The following GPC5 variants were observed in gnomAD, a reference collection of about 807,000 sequenced individuals.
GPC5 encodes the protein glypican-5.
A neutral mutation model predicts 53.9 loss-of-function variants in GPC5; 47 were observed. The ratio of observed to expected loss-of-function variants is 0.87; its 90% CI spans 0.69 to 1.11. The LOEUF (loss-of-function observed/expected upper bound fraction) is 1.11. Ranked by LOEUF, GPC5 falls within the 50% of genes most tolerant of loss-of-function variation. The pLI is 0.00. For missense variants in GPC5, 748 were observed against 713.1 expected, an observed-to-expected ratio of 1.05 and a Z score of -0.56; for synonymous variants, 286 against 263.3, an observed-to-expected ratio of 1.09 and a Z score of -0.84.
chr13:91,921,182 C>G (rs1322253287), intron 6 of GPC5, among the ~76,000 whole-genome samples: 1 of 152,062 alleles, frequency 6.6e-6, no homozygotes, highest in Non-Finnish European at 1.5e-5. Context: ...GGTGATTCAT[C>G]TGCCTCGGCC....
At chr13:91,876,918 C>A (rs2039208811) in intron 5 of GPC5, among the ~76,000 whole-genome samples, 1 of 152,152 alleles carries the variant, frequency 6.6e-6, no homozygotes, top group Admixed American at 6.5e-5. Context: ...CTATATGCAG[C>A]CTAAGGACTT....
chr13:91,824,183 T>G (rs1000126615), intron 5 of GPC5, among the ~76,000 whole-genome samples: 1 of 152,086 alleles, frequency 6.6e-6, no homozygotes, highest in African/African-American at 2.4e-5. Flanking sequence ...ATGTGCTATT[T>G]GAAAGGTTTT....
At chr13:91,746,650 T>C (rs551446676) in intron 4 of GPC5, among the ~76,000 whole-genome samples, 1 of 152,314 alleles carries the variant, frequency 6.6e-6, no homozygotes, top group Admixed American at 6.5e-5. Context: ...AGGTCAAATG[T>C]AGATTAGAGC....
chr13:91,606,591 CTT>C, intron 2 of GPC5, among the ~76,000 whole-genome samples: 1 of 148,894 alleles, frequency 6.7e-6, no homozygotes, highest in African/African-American at 2.5e-5. Context: ...GTCCTGGACT[CTT>C]TTTGATTGGT....
At chr13:92,259,851 T>C (rs977470561) in intron 7 of GPC5, among the ~76,000 whole-genome samples, 1 of 152,146 alleles carries the variant, frequency 6.6e-6, no homozygotes, top group Admixed American at 6.6e-5. Context: ...ACCCTTAGCT[T>C]CTGGCTGTTC....
At chr13:92,383,881 A>C (rs187880923) in intron 7 of GPC5, among the ~76,000 whole-genome samples, 52 of 152,324 alleles carry the variant, frequency 3.4e-4, no homozygotes, top group African/African-American at 1.3e-3. Context: ...TGCAACTGTC[A>C]GAATATAAAC....
rs142234215 is a variant in GPC5 at position 92,477,094 on chromosome 13, A to T, written c.1561+332105A>T. ...ATAAATAAATAAAAAGAAAATAAAC[A>T]GTTGAAGATAGTGAATCTGACACAT... On this transcript the variant is annotated intron_variant, in intron 7 of 7. Transcript: ENST00000377067. Among the ~76,000 whole-genome samples, 817 of 152,126 alleles carry T rather than the reference A, an allele frequency of 5.4e-3. 6 individuals are homozygous for T. The highest frequency in any genetic ancestry group is 0.019 in the African/African-American group (787 of 41,528).
Position 92,510,904 on chromosome 13 carries a change from C to T in GPC5, c.1562-355378C>T, listed in dbSNP as rs57692786. Among the ~76,000 whole-genome samples, 928 of 152,304 alleles carry T rather than the reference C, an allele frequency of 6.1e-3. 11 individuals are homozygous for T. Among genetic ancestry groups the T allele is most frequent in the African/African-American group, 0.022 (894 of 41,564 alleles). ...TGCAACTTGTCTGAGGCTCAGTTCACTCCTCTAGGAAATGGAATGAAGTGA... is the reference window on the plus strand; with the variant it reads ...TGCAACTTGTCTGAGGCTCAGTTCATTCCTCTAGGAAATGGAATGAAGTGA... On this transcript the variant is annotated intron_variant, in intron 7 of 7. Transcript: ENST00000377067.
intron 6 of GPC5, among the ~76,000 whole-genome samples, chr13:91,930,132 T>A (rs932849458): frequency 1.3e-5 from 2 of 152,066 alleles, no homozygotes; most frequent in Admixed American, 6.6e-5. Flanking sequence ...ATGCCCATCA[T>A]AGGTCATGCA....
Position 92,525,513 on chromosome 13 carries a change from G to A in GPC5, c.1562-340769G>A, listed in dbSNP as rs115346961. 4.0e-3 allele frequency among the ~76,000 whole-genome samples: 595 copies of A among 149,714 alleles called. 7 individuals are homozygous for A. Among genetic ancestry groups the A allele is most frequent in the African/African-American group, 0.014 (580 of 40,958 alleles). Reference sequence around the variant, plus strand: ...CAGAAAAGCTTAGAAGATACTTTGGGTGACAGTAATAAGTATATGAGAAGA... The same window carrying A: ...CAGAAAAGCTTAGAAGATACTTTGGATGACAGTAATAAGTATATGAGAAGA... On this transcript the variant is annotated intron_variant, in intron 7 of 7. Transcript: ENST00000377067.
chr13:91,559,671 A>G (rs1300629101), intron 2 of GPC5, among the ~76,000 whole-genome samples: 1 of 152,014 alleles, frequency 6.6e-6, no homozygotes, highest in Non-Finnish European at 1.5e-5. Context: ...CTTCCTTACC[A>G]CTTGAACAAA....
At chr13:91,561,076 TCCTGGAGAC>T (rs2031235044) in intron 2 of GPC5, among the ~76,000 whole-genome samples, 1 of 152,158 alleles carries the variant, frequency 6.6e-6, no homozygotes, top group Non-Finnish European at 1.5e-5. Flanking sequence ...AATTTTTGGT[TCCTGGAGAC>T]CCTCCAAATT....
Position 91,917,109 on chromosome 13 carries a change from C to T in GPC5, c.1401+9052C>T, listed in dbSNP as rs551220940. 7.9e-5 allele frequency among the ~76,000 whole-genome samples: 12 copies of T among 152,280 alleles called. No individual in the cohort carries two copies. In the East Asian group the frequency reaches 1.5e-3, roughly 20 times the overall value. ...TTTAAGACAAGGCAAGTCCCTTCCACGTATGAGCCTGTAAAATCAAAAGCA... is the reference window on the plus strand; with the variant it reads ...TTTAAGACAAGGCAAGTCCCTTCCATGTATGAGCCTGTAAAATCAAAAGCA... On this transcript the variant is annotated intron_variant, in intron 6 of 7. Transcript: ENST00000377067.
At chr13:91,617,874 G>A (rs1480000687) in intron 2 of GPC5, among the ~76,000 whole-genome samples, 2 of 152,124 alleles carry the variant, frequency 1.3e-5, no homozygotes, top group Non-Finnish European at 2.9e-5. Context: ...CACTTGTAGT[G>A]AGAAAGCAGC....
At chr13:92,232,683 A>G (rs902562790) in intron 7 of GPC5, among the ~76,000 whole-genome samples, 2 of 152,230 alleles carry the variant, frequency 1.3e-5, no homozygotes, top group Non-Finnish European at 2.9e-5. Flanking sequence ...AGCCTGAAAT[A>G]GAGTACTACT....
At chr13:91,600,383 A>G (rs956164557) in intron 2 of GPC5, among the ~76,000 whole-genome samples, 1 of 151,936 alleles carries the variant, frequency 6.6e-6, no homozygotes, top group African/African-American at 2.4e-5. Context: ...ACATGTATAT[A>G]AAGACATGGC....
chr13:91,949,862 G>T (rs2040009840), intron 6 of GPC5, among the ~76,000 whole-genome samples: 1 of 152,080 alleles, frequency 6.6e-6, no homozygotes, highest in Admixed American at 6.6e-5. Context: ...ATGTGTATTT[G>T]CTCTACTACA....
At chr13:92,607,707 T>C (rs1203221047) in intron 7 of GPC5, among the ~76,000 whole-genome samples, 1 of 152,206 alleles carries the variant, frequency 6.6e-6, no homozygotes, top group Non-Finnish European at 1.5e-5. Flanking sequence ...ATGTAAACAT[T>C]GTGGAATGGC....
At chr13:91,621,376 C>T (rs1379363924) in intron 2 of GPC5, among the ~76,000 whole-genome samples, 1 of 152,038 alleles carries the variant, frequency 6.6e-6, no homozygotes, top group South Asian at 2.1e-4. Flanking sequence ...AGGTTAACCT[C>T]GACACTAGAT....
Sources: gnomAD v4.1 joint callset for allele counts (sites outside exome capture counted in the v4.1 genomes callset) on GRCh38, gnomAD v4.1.1 for gene constraint, MANE v1.5 for transcripts, NCBI Gene and HGNC (gene_info 2026-07-23, HGNC 2026-07-21) for gene names.